The following PPP3CC variants were observed in gnomAD, a reference collection of about 807,000 sequenced individuals.
The protein encoded by PPP3CC is protein phosphatase 3 catalytic subunit gamma.
A neutral mutation model predicts 60.3 loss-of-function variants in PPP3CC; 35 were observed. The ratio of observed to expected loss-of-function variants is 0.58; its 90% CI spans 0.44 to 0.77. PPP3CC has a LOEUF of 0.77. PPP3CC is among the 30% of genes least tolerant of loss of function. PPP3CC has a pLI of 0.00. For missense variants in PPP3CC, 570 were observed against 628.9 expected, an observed-to-expected ratio of 0.91 and a Z score of 1.00; for synonymous variants, 206 against 224.3, an observed-to-expected ratio of 0.92 and a Z score of 0.73.
At chr8:22,454,207 A>G (rs575149451) in intron 1 of PPP3CC, among the ~76,000 whole-genome samples, 8 of 152,286 alleles carry the variant, frequency 5.3e-5, no homozygotes, top group Non-Finnish European at 1.0e-4. Context: ...TACGATTTCA[A>G]ACATTTCTTA....
At chr8:22,505,766 A>G (rs1838897777) in intron 4 of PPP3CC, among the ~76,000 whole-genome samples, 1 of 152,238 alleles carries the variant, frequency 6.6e-6, no homozygotes, top group Non-Finnish European at 1.5e-5. Flanking sequence ...TCGGACAAAA[A>G]GTAGTAAGTT....
chr8:22,485,585 C>T (rs1838200550), intron 3 of PPP3CC, among the ~76,000 whole-genome samples: 3 of 152,144 alleles, frequency 2.0e-5, no homozygotes, highest in African/African-American at 7.2e-5. Context: ...TTTCAGAGGT[C>T]CCCAGTGTGG....
chr8:22,469,256 T>C (rs559767170), intron 1 of PPP3CC, among the ~76,000 whole-genome samples: 2 of 152,180 alleles, frequency 1.3e-5, no homozygotes, highest in Non-Finnish European at 2.9e-5. Flanking sequence ...AAATATCATA[T>C]ATTCTCACTT....
intron 3 of PPP3CC, among the ~76,000 whole-genome samples, chr8:22,482,962 C>T (rs1432316675): frequency 6.6e-6 from 1 of 152,050 alleles, no homozygotes; most frequent in African/African-American, 2.4e-5. Flanking sequence ...GAGAGAGTCA[C>T]CTTCTAGCCA....
intron 11 of PPP3CC, 94 bp downstream of exon 11, chr8:22,532,400 G>A (rs1193215868): frequency 3.9e-6 from 4 of 1,018,214 alleles, no homozygotes; most frequent in Non-Finnish European, 6.0e-6. Flanking sequence ...TTGGAATGTA[G>A]TATTGAAACT....
chr8:22,457,634 A>G (rs1168291466), intron 1 of PPP3CC, among the ~76,000 whole-genome samples: 1 of 152,176 alleles, frequency 6.6e-6, no homozygotes, highest in Non-Finnish European at 1.5e-5. Flanking sequence ...CATACACTTA[A>G]TTGATTTCTG....
At chr8:22,501,642 C>T (rs1436754661) in intron 4 of PPP3CC, among the ~76,000 whole-genome samples, 1 of 152,124 alleles carries the variant, frequency 6.6e-6, no homozygotes, top group South Asian at 2.1e-4. Flanking sequence ...TTTTCCAGGC[C>T]GGCCTGAATG....
At chr8:22,505,986 A>C (rs1351276506) in intron 4 of PPP3CC, among the ~76,000 whole-genome samples, 1 of 151,328 alleles carries the variant, frequency 6.6e-6, no homozygotes, top group Non-Finnish European at 1.5e-5. Flanking sequence ...GGGGTTTGCT[A>C]TACAGATTAT....
chr8:22,509,812 C>G (rs1839029719), intron 4 of PPP3CC, among the ~76,000 whole-genome samples: 1 of 152,164 alleles, frequency 6.6e-6, no homozygotes, highest in Admixed American at 6.5e-5. Context: ...ATCTATCCTC[C>G]CACCTCAGCC....
Position 22,528,597 on chromosome 8 carries a change from A to G in PPP3CC, c.1141+20A>G. 1 of 1,484,044 alleles carries G rather than the reference A, an allele frequency of 6.7e-7. No homozygotes were observed. Among genetic ancestry groups the G allele is most frequent in the Non-Finnish European group, 9.1e-7 (1 of 1,101,874 alleles). The allele number at this position is 1,484,044 out of a possible 1,614,324, so 91.9% of individuals were successfully genotyped here. On this transcript the variant is annotated intron_variant, in intron 10 of 13. Coordinates refer to ENST00000240139, the MANE Select transcript of PPP3CC (RefSeq NM_005605.5). Reference sequence around the variant, plus strand: ...CAGAAGGTAAACTTTTCCTCCTTTGAACTAAAACTAGAAAGAGGTTTGGTT... The same window carrying G: ...CAGAAGGTAAACTTTTCCTCCTTTGGACTAAAACTAGAAAGAGGTTTGGTT...
chr8:22,498,760 C>G (rs922064635), intron 4 of PPP3CC, among the ~76,000 whole-genome samples: 5 of 152,134 alleles, frequency 3.3e-5, no homozygotes, highest in African/African-American at 1.2e-4. Flanking sequence ...AATTTAGTAA[C>G]AATCATAGGA....
At position 22,527,474 on chromosome 8, in the gene PPP3CC, T is replaced by C; in HGVS notation, c.1026T>C (p.Phe342=). 1 of 1,614,058 alleles carries C rather than the reference T, an allele frequency of 6.2e-7. No individual in the cohort carries two copies. The highest frequency in any genetic ancestry group is 8.5e-7 in the Non-Finnish European group (1 of 1,179,958). The change falls in exon 9 of 14, where the codon TTT becomes TTC. Residue 342 remains phenylalanine (F), a synonymous_variant. Coordinates refer to ENST00000240139, the MANE Select transcript of PPP3CC (RefSeq NM_005605.5). ...CACACCCCTACTGGCTTCCAAACTT[T>C]ATGGATGTTTTCACATGGTCTTTGC... ...CSPHPYWLPN[F]MDVFTWSLPF...
At position 22,448,381 on chromosome 8, in the gene PPP3CC, G is replaced by GTT. The variant is rs34309415; in HGVS notation, c.49+6937_49+6938dup. 4.9e-3 allele frequency among the ~76,000 whole-genome samples: 657 copies of GTT among 135,092 alleles called. 8 individuals are homozygous for GTT. Among genetic ancestry groups the GTT allele is most frequent in the African/African-American group, 0.016 (580 of 36,270 alleles). The allele number at this position is 135,092 out of a possible 152,430, so 88.6% of individuals were successfully genotyped here. On this transcript the variant is annotated intron_variant, in intron 1 of 13. Coordinates refer to ENST00000240139, the MANE Select transcript of PPP3CC (RefSeq NM_005605.5). ...TTAGACGGTATTATACCTTTTTTTT[G>GTT]TTTTTTTTTTTTTTTGAGATGGAGT...
At chr8:22,470,907 A>G (rs1837702527) in intron 1 of PPP3CC, among the ~76,000 whole-genome samples, 1 of 152,236 alleles carries the variant, frequency 6.6e-6, no homozygotes, top group Non-Finnish European at 1.5e-5. Flanking sequence ...ACCTAAGAGA[A>G]AAGAGTGCTT....
chr8:22,505,591 T>C (rs1243514106), intron 4 of PPP3CC, among the ~76,000 whole-genome samples: 1 of 152,186 alleles, frequency 6.6e-6, no homozygotes, highest in Non-Finnish European at 1.5e-5. Context: ...AAATTTTACC[T>C]TTACTCTCAG....
intron 1 of PPP3CC, among the ~76,000 whole-genome samples, chr8:22,463,037 A>G (rs1837409662): frequency 6.6e-6 from 1 of 152,052 alleles, no homozygotes; most frequent in Admixed American, 6.6e-5. Flanking sequence ...CAACTGTCCC[A>G]TATTTGGTTT....
chr8:22,482,636 A>G (rs570481270), intron 3 of PPP3CC, among the ~76,000 whole-genome samples: 2 of 152,210 alleles, frequency 1.3e-5, no homozygotes, highest in East Asian at 3.9e-4. Flanking sequence ...TGAAGCATAT[A>G]AAAGTTTTGT....
intron 6 of PPP3CC, among the ~76,000 whole-genome samples, 157 bp downstream of exon 6, chr8:22,513,589 T>C (rs1366929096): frequency 6.6e-6 from 1 of 152,236 alleles, no homozygotes; most frequent in East Asian, 1.9e-4. Flanking sequence ...GTTTGTTGGC[T>C]TTTTATATTT....
At chr8:22,527,617 T>G in intron 9 of PPP3CC, 100 bp downstream of exon 9, 1 of 1,432,072 alleles carries the variant, frequency 7.0e-7, no homozygotes, top group Non-Finnish European at 9.4e-7. Flanking sequence ...TTTCTAATTT[T>G]GTTTGTTCTC....
Sources: gnomAD v4.1 joint callset for allele counts (sites outside exome capture counted in the v4.1 genomes callset) on GRCh38, gnomAD v4.1.1 for gene constraint, MANE v1.5 for transcripts, NCBI Gene and HGNC (gene_info 2026-07-23, HGNC 2026-07-21) for gene names.